Variants in ERGIC1 observed in about 807,000 individuals in gnomAD.
The protein encoded by ERGIC1 is endoplasmic reticulum-golgi intermediate compartment 1.
ERGIC1 carries 19 observed loss-of-function variants against 38.3 expected under a neutral mutation model. That is an observed-to-expected ratio of 0.50 (90% CI 0.35 to 0.73). The LOEUF (loss-of-function observed/expected upper bound fraction) is 0.73, where lower values mean the gene tolerates loss of function less well. Among genes scored for constraint, ERGIC1 ranks in the 30% least tolerant of loss-of-function variants. The pLI is 0.01. For synonymous variants in ERGIC1, 124 were observed against 157.6 expected (o/e 0.79, Z 1.60); for missense variants, 294 against 389.2 (o/e 0.76, Z 2.06).
intron 1 of ERGIC1, among the ~76,000 whole-genome samples, chr5:172,856,014 T>C (rs1194750651): frequency 6.6e-6 from 1 of 152,218 alleles, no homozygotes; most frequent in Non-Finnish European, 1.5e-5. Context: ...AAATGTCACT[T>C]ATTAAATCAT....
At chr5:172,933,798 C>T (rs1763830956) in intron 8 of ERGIC1, 1 of 152,138 alleles carries the variant, frequency 6.6e-6, no homozygotes, top group African/African-American at 2.4e-5. Flanking sequence ...GCTATTGACC[C>T]CGGACATGTC....
chr5:172,850,788 T>A (rs571397070), intron 1 of ERGIC1, among the ~76,000 whole-genome samples: 1 of 152,332 alleles, frequency 6.6e-6, no homozygotes, highest in African/African-American at 2.4e-5. Context: ...AAGCGGAGGT[T>A]GCAAACTGGT....
intron 1 of ERGIC1, among the ~76,000 whole-genome samples, chr5:172,863,682 GAAA>G (rs61194220): frequency 4.6e-5 from 7 of 152,028 alleles, no homozygotes; most frequent in Admixed American, 1.3e-4. Flanking sequence ...AAAAAAGAAA[GAAA>G]AAAACCAAAC....
At chr5:172,894,066 C>T (rs987776358) in intron 2 of ERGIC1, among the ~76,000 whole-genome samples, 8 of 122,754 alleles carry the variant, frequency 6.5e-5, no homozygotes, top group East Asian at 4.7e-4. Context: ...TTTTATAATA[C>T]GCATTGTTAA....
intron 3 of ERGIC1, chr5:172,897,699 C>G: frequency 2.4e-6 from 1 of 411,786 alleles, no homozygotes; most frequent in East Asian, 3.6e-5. Flanking sequence ...TTTTTTCCCT[C>G]TGAATCATCA....
intron 2 of ERGIC1, among the ~76,000 whole-genome samples, chr5:172,892,060 A>ATTTTTTTTTTTTTTGTTT (rs372105420): frequency 1.6e-5 from 2 of 125,530 alleles, no homozygotes; most frequent in African/African-American, 3.1e-5. Flanking sequence ...GTTAAAGAGT[A>ATTTTTTTTTTTTTTGTTT]TGTTTTTTTT....
intron 1 of ERGIC1, among the ~76,000 whole-genome samples, chr5:172,873,947 CA>C (rs961180260): frequency 6.6e-6 from 1 of 152,240 alleles, no homozygotes; most frequent in African/African-American, 2.4e-5. Flanking sequence ...GATATAAACA[CA>C]TGCCTTACAC....
intron 4 of ERGIC1, among the ~76,000 whole-genome samples, chr5:172,911,692 C>T (rs935869902): frequency 2.6e-5 from 4 of 152,176 alleles, no homozygotes; most frequent in African/African-American, 9.7e-5. Context: ...ATCATTCTGT[C>T]CAGCTGGCCT....
At chr5:172,924,423 C>T (rs928401260) in intron 6 of ERGIC1, among the ~76,000 whole-genome samples, 1 of 152,190 alleles carries the variant, frequency 6.6e-6, no homozygotes, top group Non-Finnish European at 1.5e-5. Context: ...CCGAGATGGT[C>T]CAGGGCACAA....
chr5:172,845,300 G>A (rs778815736), intron 1 of ERGIC1, among the ~76,000 whole-genome samples: 7 of 152,130 alleles, frequency 4.6e-5, no homozygotes, highest in South Asian at 4.1e-4. Context: ...AGAGGAGGCC[G>A]GGCCTGGTGA....
chr5:172,944,919 C>A (rs1764089888), intron 9 of ERGIC1, among the ~76,000 whole-genome samples: 1 of 152,260 alleles, frequency 6.6e-6, no homozygotes, highest in Non-Finnish European at 1.5e-5. Flanking sequence ...GCTGACACCC[C>A]TGAGCGAGTC....
At position 172,834,404 on chromosome 5, in the gene ERGIC1, C is replaced by A; in HGVS notation, c.-10C>A. ...TGGCCTGCAGCGCTCCCACCCCCGGCGGCGGCACGATGCCCTTTGACTTCA... is the reference window on the plus strand; with the variant it reads ...TGGCCTGCAGCGCTCCCACCCCCGGAGGCGGCACGATGCCCTTTGACTTCA... On this transcript the variant is annotated 5_prime_UTR_variant, in exon 1 of 10. Coordinates refer to ENST00000393784, the MANE Select transcript of ERGIC1 (RefSeq NM_001031711.3). The surrounding 1 kb of genome is among the most constrained non-coding windows in gnomAD (Gnocchi z 4.1). The A allele has an allele frequency of 7.5e-7, 1 of 1,327,752 alleles. No individual in the cohort carries two copies. The allele number at this position is 1,327,752 out of a possible 1,614,324, so 82.2% of individuals were successfully genotyped here. A position where few individuals can be genotyped will look rare whatever the true frequency, so the allele number is the denominator to read the frequency against.
chr5:172,914,485 C>A, intron 4 of ERGIC1: 1 of 637,334 alleles, frequency 1.6e-6, no homozygotes, highest in Non-Finnish European at 2.8e-6. Context: ...ATGGCAGACC[C>A]CAGGGTGGCC....
At chr5:172,936,041 G>T (rs1763881035) in intron 9 of ERGIC1, 1 of 152,208 alleles carries the variant, frequency 6.6e-6, no homozygotes, top group Admixed American at 6.5e-5. Context: ...AGATAAATAT[G>T]GCATTGGGAG....
chr5:172,947,906 G>GTA (rs1385969607), intron 9 of ERGIC1, among the ~76,000 whole-genome samples: 1 of 151,856 alleles, frequency 6.6e-6, no homozygotes. Flanking sequence ...GTGTGTGTGT[G>GTA]TGTGTGGTTA....
chr5:172,848,937 G>A (rs1281826759), intron 1 of ERGIC1, among the ~76,000 whole-genome samples: 1 of 152,164 alleles, frequency 6.6e-6, no homozygotes, highest in Non-Finnish European at 1.5e-5. Flanking sequence ...GGGGTGGGTG[G>A]CCCACTACCT....
At chr5:172,875,460 C>A (rs574903792) in intron 1 of ERGIC1, among the ~76,000 whole-genome samples, 2 of 152,046 alleles carry the variant, frequency 1.3e-5, no homozygotes, top group Non-Finnish European at 2.9e-5. Flanking sequence ...AGCCCCCTAC[C>A]CCCCCAGCAG....
rs1395210599 is a variant in ERGIC1, at chr5:172,834,310, C to T, written c.-104C>T. ...GAGTGGCGAGTGTCAGGGGGGCGGC[C>T]GGCGGGGGCGGGGCGGCCGGAGGAG... On this transcript the variant is annotated 5_prime_UTR_variant, in exon 1 of 10. Transcript: ENST00000393784. The surrounding 1 kb of genome is among the most constrained non-coding windows in gnomAD (Gnocchi z 4.1). 5 of 1,081,924 alleles carry T rather than the reference C, an allele frequency of 4.6e-6. No individual in the cohort carries two copies. The highest frequency in any genetic ancestry group is 5.7e-6 in the Non-Finnish European group (5 of 877,852). 67.0% of individuals were successfully genotyped at this position (1,081,924 alleles called of 1,614,324 possible). A position where few individuals can be genotyped will look rare whatever the true frequency, so the allele number is the denominator to read the frequency against.
chr5:172,942,378 G>C (rs1268684956), intron 9 of ERGIC1, among the ~76,000 whole-genome samples: 1 of 152,034 alleles, frequency 6.6e-6, no homozygotes, highest in Non-Finnish European at 1.5e-5. Context: ...CCGCTACCCT[G>C]CTCAGGGTTC....
Sources: allele counts gnomAD v4.1 joint callset (sites outside exome capture counted in the v4.1 genomes callset), GRCh38; gene constraint gnomAD v4.1.1; non-coding constraint Gnocchi (gnomAD v3.1); transcripts MANE v1.5; gene names NCBI Gene and HGNC (gene_info 2026-07-23, HGNC 2026-07-21).